Variants in FHIT observed in about 807,000 individuals in gnomAD.
The protein encoded by FHIT is fragile histidine triad diadenosine triphosphatase, also known as bis(5'-adenosyl)-triphosphatase.
A neutral mutation model predicts 17.9 loss-of-function variants in FHIT; 19 were observed. The observed-to-expected ratio is 1.06, with a 90% confidence interval of 0.74 to 1.56. The LOEUF is 1.56. Ranked by LOEUF, FHIT falls within the 40% of genes most tolerant of loss-of-function variation. FHIT has a pLI of 0.00. For synonymous variants in FHIT, 81 were observed against 69.7 expected (o/e 1.16, Z -0.81); for missense variants, 248 against 189.2 (o/e 1.31, Z -1.82).
At chr3:59,954,720 T>G (rs1364241231) in intron 7 of FHIT, among the ~76,000 whole-genome samples, 2 of 152,190 alleles carry the variant, frequency 1.3e-5, no homozygotes, top group South Asian at 2.1e-4. Flanking sequence ...CACTGAGAAG[T>G]AGAGGTGTTT....
At chr3:60,991,463 T>C (rs1391717951) in intron 3 of FHIT, among the ~76,000 whole-genome samples, 4 of 152,222 alleles carry the variant, frequency 2.6e-5, no homozygotes, top group African/African-American at 7.2e-5. Flanking sequence ...ATTTTAAAAA[T>C]TACAGCTGTC....
At chr3:61,241,858 G>A (rs1171068054) in intron 1 of FHIT, among the ~76,000 whole-genome samples, 1 of 151,952 alleles carries the variant, frequency 6.6e-6, no homozygotes, top group African/African-American at 2.4e-5. Context: ...AGAAAACACT[G>A]GCATACAAAC....
intron 2 of FHIT, among the ~76,000 whole-genome samples, chr3:61,138,684 A>T (rs761761308): frequency 6.6e-6 from 1 of 152,126 alleles, no homozygotes; most frequent in Non-Finnish European, 1.5e-5. Context: ...CATCCTTCTA[A>T]CTCGGCTAAT....
chr3:60,150,224 T>G (rs2107327679), intron 5 of FHIT, among the ~76,000 whole-genome samples: 1 of 152,170 alleles, frequency 6.6e-6, no homozygotes, highest in African/African-American at 2.4e-5. Context: ...CTCGAGCTCC[T>G]GACCTCAGGT....
intron 3 of FHIT, among the ~76,000 whole-genome samples, chr3:60,883,750 T>A (rs531389415): frequency 6.6e-6 from 1 of 152,236 alleles, no homozygotes; most frequent in Non-Finnish European, 1.5e-5. Context: ...GGCCTCGAAC[T>A]ATAAAACTAA....
chr3:60,915,610 A>G (rs1553766933), intron 3 of FHIT, among the ~76,000 whole-genome samples: 1 of 152,198 alleles, frequency 6.6e-6, no homozygotes, highest in African/African-American at 2.4e-5. Flanking sequence ...CCATAAAGTC[A>G]TGACAAGAAA....
At chr3:59,982,134 T>C (rs1353471929) in intron 7 of FHIT, among the ~76,000 whole-genome samples, 2 of 152,260 alleles carry the variant, frequency 1.3e-5, no homozygotes, top group African/African-American at 2.4e-5. Context: ...GCTGAATAAA[T>C]AGTGATGTAT....
At chr3:60,348,917 A>G (rs1336874553) in intron 5 of FHIT, among the ~76,000 whole-genome samples, 1 of 152,236 alleles carries the variant, frequency 6.6e-6, no homozygotes, top group Non-Finnish European at 1.5e-5. Flanking sequence ...AGCCTAGATC[A>G]TTGCCCAGCC....
At chr3:59,857,919 G>A (rs1399361467) in intron 8 of FHIT, among the ~76,000 whole-genome samples, 4 of 152,134 alleles carry the variant, frequency 2.6e-5, no homozygotes, top group Admixed American at 2.0e-4. Context: ...AAGGTTTAGA[G>A]TAGAACTTAC....
intron 4 of FHIT, among the ~76,000 whole-genome samples, chr3:60,807,839 T>A (rs1575550343): frequency 6.8e-6 from 1 of 146,676 alleles, no homozygotes. Flanking sequence ...CAAATTTTAC[T>A]AAAAAAAAAA....
intron 4 of FHIT, among the ~76,000 whole-genome samples, chr3:60,556,156 A>G (rs1255162219): frequency 6.6e-6 from 1 of 152,200 alleles, no homozygotes; most frequent in African/African-American, 2.4e-5. Context: ...AGTCTCTCAC[A>G]GCCATCTGGG....
intron 8 of FHIT, among the ~76,000 whole-genome samples, chr3:59,844,672 G>A (rs745658905): frequency 5.9e-5 from 9 of 152,178 alleles, no homozygotes; most frequent in Middle Eastern, 3.4e-3. Flanking sequence ...AATAAATCTC[G>A]CTTGGTCATG....
Position 60,014,059 on chromosome 3 carries a change from C to A in FHIT, c.197G>T (p.Gly66Val). ...ATGGAAATGTTTTTCCACCACTGTC[C>A]CGACTCTCTGGGTCGTCTGAAACAA... ...ADLFQTTQRVGTVVEKHFHGT... is the reference protein window; with the variant it reads ...ADLFQTTQRVVTVVEKHFHGT... The change falls in exon 6 of 10, where the codon GGG (glycine) becomes GTG (valine). Residue 66 changes from glycine to valine, a missense_variant. Gly to Val is a moderately radical substitution (Grantham distance 109). Transcript: ENST00000492590. 2 of 1,613,998 alleles carry A rather than the reference C, an allele frequency of 1.2e-6. No homozygotes were observed. Among genetic ancestry groups the A allele is most frequent in the Non-Finnish European group, 1.7e-6 (2 of 1,179,952 alleles).
intron 8 of FHIT, among the ~76,000 whole-genome samples, chr3:59,907,975 G>T (rs796486423): frequency 5.3e-5 from 8 of 152,246 alleles, no homozygotes; most frequent in African/African-American, 9.6e-5. Flanking sequence ...TACTTATTTT[G>T]CCTCTCTCTT....
intron 8 of FHIT, among the ~76,000 whole-genome samples, chr3:59,815,767 G>A (rs1700577825): frequency 6.6e-6 from 1 of 152,082 alleles, no homozygotes; most frequent in Non-Finnish European, 1.5e-5. Flanking sequence ...AGGGATGAAA[G>A]ACTACACATC....
chr3:60,492,818 T>C (rs755133800), intron 5 of FHIT, among the ~76,000 whole-genome samples: 13 of 152,150 alleles, frequency 8.5e-5, no homozygotes, highest in Admixed American at 8.5e-4. Context: ...ACATTACAGG[T>C]GAAAATCAGT....
intron 8 of FHIT, among the ~76,000 whole-genome samples, chr3:59,779,461 T>C (rs1044517819): frequency 6.6e-6 from 1 of 152,160 alleles, no homozygotes; most frequent in African/African-American, 2.4e-5. Context: ...TGAGCTGAGA[T>C]GATTTATCCT....
intron 5 of FHIT, among the ~76,000 whole-genome samples, chr3:60,361,450 T>C (rs191187654): frequency 8.5e-5 from 13 of 152,124 alleles, no homozygotes; most frequent in Admixed American, 2.0e-4. Context: ...GTAGAGGAGG[T>C]TGAATGGATT....
At chr3:60,494,910 C>G (rs2034231658) in intron 5 of FHIT, among the ~76,000 whole-genome samples, 1 of 152,184 alleles carries the variant, frequency 6.6e-6, no homozygotes, top group South Asian at 2.1e-4. Context: ...CAAATCTTGA[C>G]TATTGTGAAC....
Sources: allele counts gnomAD v4.1 joint callset (sites outside exome capture counted in the v4.1 genomes callset), GRCh38; gene constraint gnomAD v4.1.1; transcripts MANE v1.5; gene names NCBI Gene and HGNC (gene_info 2026-07-23, HGNC 2026-07-21).